Variants in RARB observed in about 807,000 individuals in gnomAD.
RARB encodes the protein HBV-activated protein.
A neutral mutation model predicts 51.9 loss-of-function variants in RARB; 17 were observed. That is an observed-to-expected ratio of 0.33 (90% CI 0.22 to 0.49). RARB has a LOEUF of 0.49. RARB is among the 20% of genes least tolerant of loss of function. The pLI, the probability that RARB is intolerant of heterozygous loss-of-function variation, is 0.99. For synonymous variants in RARB, 215 were observed against 195.4 expected, an observed-to-expected ratio of 1.10 and a Z score of -0.84; for missense variants, 369 against 550.8, an observed-to-expected ratio of 0.67 and a Z score of 3.30.
chr3:25,485,851 G>T (rs370778778), intron 2 of RARB, among the ~76,000 whole-genome samples: 5 of 152,168 alleles, frequency 3.3e-5, no homozygotes, highest in African/African-American at 1.2e-4. Flanking sequence ...TTGAGGTGAT[G>T]ATGGGGCTGT....
intron 2 of RARB, among the ~76,000 whole-genome samples, chr3:24,893,999 CAAAT>C (rs1185232128): frequency 6.9e-5 from 10 of 145,178 alleles, no homozygotes; most frequent in Non-Finnish European, 1.3e-4. Context: ...GTTGAACAAA[CAAAT>C]GAACAAATAA....
intron 1 of RARB, among the ~76,000 whole-genome samples, chr3:25,434,761 C>G (rs1222082561): frequency 1.3e-5 from 2 of 151,788 alleles, no homozygotes; most frequent in Non-Finnish European, 1.5e-5. Flanking sequence ...AGGATGGTCT[C>G]GATCTCCTGA....
At chr3:24,912,787 G>A (rs1695017076) in intron 2 of RARB, among the ~76,000 whole-genome samples, 1 of 152,032 alleles carries the variant, frequency 6.6e-6, no homozygotes, top group Non-Finnish European at 1.5e-5. Context: ...AAGGAGGTTA[G>A]AAAGAACCTG....
intron 5 of RARB, among the ~76,000 whole-genome samples, chr3:25,197,011 G>A (rs576038480): frequency 6.6e-6 from 1 of 152,128 alleles, no homozygotes; most frequent in Non-Finnish European, 1.5e-5. Flanking sequence ...CTCCCATTCT[G>A]TAGGTTGCCT....
chr3:25,034,769 T>G (rs1575128684), intron 2 of RARB, among the ~76,000 whole-genome samples: 1 of 152,144 alleles, frequency 6.6e-6, no homozygotes, highest in African/African-American at 2.4e-5. Flanking sequence ...GAAACATTTT[T>G]AATCAATTAT....
At chr3:25,425,698 C>A, upstream of RARB, among the ~76,000 whole-genome samples, 1 of 152,120 alleles carries the variant, frequency 6.6e-6, no homozygotes, top group East Asian at 1.9e-4. Context: ...GAGAGACACA[C>A]TAATGTTGTT....
At chr3:24,863,703 T>C (rs1433371168) in intron 2 of RARB, among the ~76,000 whole-genome samples, 1 of 151,446 alleles carries the variant, frequency 6.6e-6, no homozygotes, top group African/African-American at 2.4e-5. Flanking sequence ...AAGCAACAAG[T>C]TTGACTTTTT....
At chr3:25,370,216 ACTTTAC>A (rs1335047391) in intron 5 of RARB, among the ~76,000 whole-genome samples, 2 of 152,238 alleles carry the variant, frequency 1.3e-5, no homozygotes, top group African/African-American at 4.8e-5. Context: ...TTAAAGGAGC[ACTTTAC>A]CTTTATAATT....
intron 5 of RARB, among the ~76,000 whole-genome samples, chr3:25,350,211 G>T (rs140832564): frequency 1.6e-3 from 250 of 152,210 alleles, no homozygotes; most frequent in African/African-American, 5.9e-3. Flanking sequence ...TAGACACAGG[G>T]GCATGGACAC....
chr3:25,250,281 G>T (rs990563131), intron 5 of RARB, among the ~76,000 whole-genome samples: 1 of 152,200 alleles, frequency 6.6e-6, no homozygotes, highest in Non-Finnish European at 1.5e-5. Context: ...GGGCCAGCCT[G>T]TGTGGGTCTA....
intron 5 of RARB, among the ~76,000 whole-genome samples, chr3:25,265,574 G>C (rs1703106193): frequency 6.6e-6 from 1 of 152,130 alleles, no homozygotes; most frequent in South Asian, 2.1e-4. Context: ...CCAGGCTCAA[G>C]TAATCCTCCC....
intron 5 of RARB, among the ~76,000 whole-genome samples, chr3:25,587,837 G>A (rs923698890): frequency 7.9e-5 from 12 of 152,224 alleles, no homozygotes; most frequent in African/African-American, 2.7e-4. Context: ...AACACAATCA[G>A]TGTAGAGTGA....
chr3:25,256,981 A>T (rs1000627350), intron 5 of RARB, among the ~76,000 whole-genome samples: 1 of 152,130 alleles, frequency 6.6e-6, no homozygotes, highest in African/African-American at 2.4e-5. Flanking sequence ...AAAATATCAT[A>T]CGATAAGGAC....
At chr3:25,587,706 G>A (rs963237939) in intron 5 of RARB, among the ~76,000 whole-genome samples, 4 of 152,124 alleles carry the variant, frequency 2.6e-5, no homozygotes, top group Non-Finnish European at 5.9e-5. Context: ...TATGCGCTGC[G>A]TGTGTCTTTG....
At chr3:25,592,565 A>G (rs1268940192) in intron 5 of RARB, among the ~76,000 whole-genome samples, 1 of 152,192 alleles carries the variant, frequency 6.6e-6, no homozygotes. Flanking sequence ...TTGAGTATCT[A>G]CAGAAGCAAG....
intron 5 of RARB, among the ~76,000 whole-genome samples, chr3:25,363,628 G>A (rs1028115522): frequency 6.6e-6 from 1 of 152,090 alleles, no homozygotes; most frequent in African/African-American, 2.4e-5. Flanking sequence ...CCTGGTCCAA[G>A]CCACCATTGC....
chr3:24,918,119 T>A (rs937297653), intron 2 of RARB, among the ~76,000 whole-genome samples: 3 of 152,212 alleles, frequency 2.0e-5, no homozygotes, highest in African/African-American at 7.2e-5. Context: ...ATAACATTGT[T>A]CTTAGTAGTT....
Position 25,061,242 on chromosome 3 carries a change from G to A in RARB, c.-328+1066G>A, listed in dbSNP as rs565330277. On this transcript the variant is annotated intron_variant, in intron 3 of 11. Transcript: ENST00000383772. ...ATTTAATTTATTCATCATTTCCTTC[G>A]TTATTATTTTGGGAGAAAGATAAAT... Among the ~76,000 whole-genome samples, 12 of 151,904 alleles carry A rather than the reference G, an allele frequency of 7.9e-5. No homozygotes were observed. In the South Asian group the frequency reaches 8.3e-4, roughly 11 times the overall value.
chr3:25,591,615 G>T (rs757343514), intron 5 of RARB, among the ~76,000 whole-genome samples: 6 of 152,162 alleles, frequency 3.9e-5, no homozygotes, highest in African/African-American at 7.2e-5. Flanking sequence ...ACAATTCATG[G>T]GTTGATAGGA....
Sources: allele counts gnomAD v4.1 joint callset (sites outside exome capture counted in the v4.1 genomes callset), GRCh38; gene constraint gnomAD v4.1.1; transcripts MANE v1.5; gene names NCBI Gene and HGNC (gene_info 2026-07-23, HGNC 2026-07-21).